KCNA3: variants seen among roughly 807,000 people sequenced by gnomAD.
The protein encoded by KCNA3 is RP11-284N8.3.
A neutral mutation model predicts 34.3 loss-of-function variants in KCNA3; 18 were observed. The ratio of observed to expected loss-of-function variants is 0.52; its 90% CI spans 0.36 to 0.78. KCNA3 has a LOEUF of 0.78. Among genes scored for constraint, KCNA3 ranks in the 30% least tolerant of loss-of-function variants. KCNA3 has a pLI of 0.00. For synonymous variants in KCNA3, 324 were observed against 351.7 expected (o/e 0.92, Z 0.88); for missense variants, 587 against 802.5 (o/e 0.73, Z 3.24).
chr1:110,661,830 G>A, the KCNA3 span, among the ~76,000 whole-genome samples: 1,794 of 152,114 alleles, frequency 0.012, 31 homozygotes, highest in African/African-American at 0.041. Flanking sequence ...AATGTCAGCC[G>A]GGCGCGGTGG....
the KCNA3 span, among the ~76,000 whole-genome samples, chr1:110,660,476 A>C: frequency 6.6e-6 from 1 of 152,072 alleles, no homozygotes; most frequent in Non-Finnish European, 1.5e-5. Context: ...CTTGAAGTGA[A>C]TAAAAATCCA....
At chr1:110,665,134 C>A in the KCNA3 span, among the ~76,000 whole-genome samples, 1 of 152,100 alleles carries the variant, frequency 6.6e-6, no homozygotes, top group Non-Finnish European at 1.5e-5. Flanking sequence ...AAATGGGGTG[C>A]CAAATGGTGG....
chr1:110,665,324 T>A, the KCNA3 span, among the ~76,000 whole-genome samples: 1 of 152,140 alleles, frequency 6.6e-6, no homozygotes, highest in African/African-American at 2.4e-5. Flanking sequence ...AGAAGTGGTA[T>A]GAAGTGGTAA....
the KCNA3 span, chr1:110,654,496 A>G: frequency 2.0e-5 from 3 of 152,150 alleles, no homozygotes; most frequent in Non-Finnish European, 4.4e-5. Context: ...TGGATTTTTA[A>G]AAAGGGAGAT....
chr1:110,665,139 T>C, the KCNA3 span, among the ~76,000 whole-genome samples: 2 of 152,212 alleles, frequency 1.3e-5, no homozygotes, highest in Non-Finnish European at 1.5e-5. Flanking sequence ...GGGTGCCAAA[T>C]GGTGGTCTTG....
chr1:110,674,715 G>A lies in KCNA3; in HGVS notation c.95C>T (p.Ala32Val), dbSNP rs751713536. ...PPQRPASSGG[A>V]HTLVNHGYAE... ...GTAGCCGTGGTTCACCAGCGTGTGG[G>A]CACCGCCGCTGCTCGCTGGGCGCTG... The change falls in exon 1 of 1, where the codon GCC becomes GTC. Residue 32 changes from alanine (A) to valine (V), a missense_variant. Ala to Val is a moderately conservative substitution (Grantham distance 64, BLOSUM62 0). Transcript: ENST00000369769. This position sits in a 1 kb window ranked among gnomAD's most constrained non-coding sequence, Gnocchi z 6.4. 2.0e-6 allele frequency: 3 copies of A among 1,467,358 alleles called. No homozygotes were observed. The South Asian group carries it at 4.2e-5, about 20-fold the overall frequency. The allele number at this position is 1,467,358 out of a possible 1,614,324, so 90.9% of individuals were successfully genotyped here. A position where few individuals can be genotyped will look rare whatever the true frequency, so the allele number is the denominator to read the frequency against.
At chr1:110,658,680 A>G in the KCNA3 span, among the ~76,000 whole-genome samples, 2 of 152,134 alleles carry the variant, frequency 1.3e-5, no homozygotes, top group South Asian at 2.1e-4. Flanking sequence ...ACTTTTACAT[A>G]TATAATTTTG....
At chr1:110,669,245 T>C (rs1651797429), downstream of KCNA3, among the ~76,000 whole-genome samples, 1 of 152,168 alleles carries the variant, frequency 6.6e-6, no homozygotes, top group Admixed American at 6.5e-5. Context: ...GAAAACTAAT[T>C]TGCATAATGC....
rs1372588693 is a variant in KCNA3, at chr1:110,673,606, T to G, written c.1204A>C (p.Ile402Leu). 1 of 1,614,170 alleles carries G rather than the reference T, an allele frequency of 6.2e-7. No homozygotes were observed. The highest frequency in any genetic ancestry group is 1.7e-5 in the Admixed American group (1 of 60,026). Residue 402 changes from isoleucine (I) to leucine (L), a missense_variant, in exon 1 of 1, where the codon ATC (isoleucine) becomes CTC (leucine). Physicochemically the swap from Ile to Leu is conservative, Grantham distance 5 (BLOSUM62 2). This residue lies in a region of KCNA3 where 84 missense variants were observed against 223.1 expected (regional missense o/e 0.38). Coordinates refer to ENST00000369769, the MANE Select transcript of KCNA3 (RefSeq NM_002232.5). This position sits in a 1 kb window ranked among gnomAD's most constrained non-coding sequence, Gnocchi z 8.8. ...KASMRELGLL[I>L]FFLFIGVILF... ...ATGACCCCAATAAAGAGGAAGAAGA[T>G]GAGCAATCCCAGCTCCCGCATGGAC...
rs747145696 is a variant in KCNA3 at position 110,673,207 on chromosome 1, C to T, written c.1603G>A (p.Gly535Arg). 24 of 1,614,004 alleles carry T rather than the reference C, an allele frequency of 1.5e-5. No individual in the cohort carries two copies. The highest frequency in any genetic ancestry group is 1.3e-4 in the African/African-American group (10 of 74,886). ...SKSEYMVIEE[G>R]GMNHSAFPQT... ...GGGAAAGCGCTATGGTTCATACCCC[C>T]CTCTTCGATCACCATATACTCCGAC... Residue 535 changes from glycine to arginine, a missense_variant, in exon 1 of 1, where the codon GGG (glycine) becomes AGG (arginine). Physicochemically the swap from Gly to Arg is moderately radical, Grantham distance 125. This residue lies in a region of KCNA3 where 95 missense variants were observed against 107.3 expected (regional missense o/e 0.89). Transcript: ENST00000369769. The surrounding 1 kb of genome is among the most constrained non-coding windows in gnomAD (Gnocchi z 8.8).
Position 110,673,273 on chromosome 1 carries a change from C to T in KCNA3, c.1537G>A (p.Glu513Lys), listed in dbSNP as rs755732546. 2.5e-6 allele frequency: 4 copies of T among 1,613,966 alleles called. No homozygotes were observed. The highest frequency in any genetic ancestry group is 4.5e-5 in the East Asian group (2 of 44,874). ...TTACTCCTTGCTTTTCGGAGCTCCT[C>T]GGCTGAAGAGGAGAGGTGCTGGCAA... is the stretch of plus-strand genomic sequence containing the variant. ...GSCQHLSSSA[E>K]ELRKARSNST... Residue 513 changes from glutamate to lysine, a missense_variant, in exon 1 of 1, where the codon GAG (glutamate) becomes AAG (lysine). Physicochemically the swap from Glu to Lys is moderately conservative, Grantham distance 56. Around this residue, in one of 7 missense-constraint regions of KCNA3, gnomAD observed 95 missense variants for 107.3 expected, o/e 0.89. Coordinates refer to ENST00000369769, the MANE Select transcript of KCNA3 (RefSeq NM_002232.5). The surrounding 1 kb of genome is among the most constrained non-coding windows in gnomAD (Gnocchi z 8.8).
In KCNA3 at chr1:110,673,700, C is replaced by A; in HGVS notation, c.1110G>T (p.Arg370Ser). 1 of 1,614,156 alleles carries A rather than the reference C, an allele frequency of 6.2e-7. No homozygotes were observed. Among genetic ancestry groups the A allele is most frequent in the Non-Finnish European group, 8.5e-7 (1 of 1,180,050 alleles). ...GCGACAGCTTGAAGATGCGGAAGAC[C>A]CTTACCAGGCGGATGACCCTCAGGA... ...LAILRVIRLVRVFRIFKLSRH... is the reference protein window; with the variant it reads ...LAILRVIRLVSVFRIFKLSRH... Residue 370 changes from arginine to serine, a missense_variant, in exon 1 of 1, where the codon AGG becomes AGT. Arg to Ser is a moderately radical substitution (Grantham distance 110). Coordinates refer to ENST00000369769, the MANE Select transcript of KCNA3 (RefSeq NM_002232.5). This position sits in a 1 kb window ranked among gnomAD's most constrained non-coding sequence, Gnocchi z 8.8.
At chr1:110,671,808 T>A (rs1185955046), downstream of KCNA3, among the ~76,000 whole-genome samples, 2 of 152,190 alleles carry the variant, frequency 1.3e-5, no homozygotes, top group Non-Finnish European at 2.9e-5. Flanking sequence ...GGCTTGAAAG[T>A]TCTTGGAGAA....
Position 110,673,981 on chromosome 1 carries a change from C to T in KCNA3, c.829G>A (p.Ala277Thr). The change falls in exon 1 of 1, where the codon GCC (alanine) becomes ACC (threonine). Residue 277 changes from alanine to threonine, a missense_variant. Coordinates refer to ENST00000369769, the MANE Select transcript of KCNA3 (RefSeq NM_002232.5). The surrounding 1 kb of genome is among the most constrained non-coding windows in gnomAD (Gnocchi z 8.8). ...ASTSQDSFEA[A>T]GNSTSGSRAG... ...CGGGACCCCGACGTGCTGTTGCCGG[C>T]TGCTTCGAATGAGTCCTGCGACGTC... 6.2e-7 allele frequency: 1 copy of T among 1,613,836 alleles called. No individual in the cohort carries two copies. Among genetic ancestry groups the T allele is most frequent in the Non-Finnish European group, 8.5e-7 (1 of 1,179,966 alleles).
rs753013925 is a variant in KCNA3 at position 110,673,286 on chromosome 1, G to C, written c.1524C>G (p.Leu508=). Residue 508 remains leucine, a synonymous_variant, in exon 1 of 1, where the codon CTC becomes CTG. Transcript: ENST00000369769. The surrounding 1 kb of genome is among the most constrained non-coding windows in gnomAD (Gnocchi z 8.8). ...TTCGGAGCTCCTCGGCTGAAGAGGA[G>C]AGGTGCTGGCAACTTCCCACGTGCA... ...QYMHVGSCQH[L]SSSAEELRKA... 11 of 1,613,908 alleles carry C rather than the reference G, an allele frequency of 6.8e-6. No homozygotes were observed. Among genetic ancestry groups the C allele is most frequent in the Non-Finnish European group, 8.5e-6 (10 of 1,180,018 alleles).
In KCNA3 at chr1:110,672,984, T is replaced by C; in HGVS notation, c.*98A>G. On this transcript the variant is annotated 3_prime_UTR_variant, in exon 1 of 1. Coordinates refer to ENST00000369769, the MANE Select transcript of KCNA3 (RefSeq NM_002232.5). ...TTTCCACTTCTTCAGGTCCTTTCCTTGATGAATGGTCTGGAAATGTATAAA... is the reference window on the plus strand; with the variant it reads ...TTTCCACTTCTTCAGGTCCTTTCCTCGATGAATGGTCTGGAAATGTATAAA... 2 of 1,203,674 alleles carry C rather than the reference T, an allele frequency of 1.7e-6. No individual in the cohort carries two copies. Among genetic ancestry groups the C allele is most frequent in the Non-Finnish European group, 2.3e-6 (2 of 853,144 alleles). 74.6% of individuals were successfully genotyped at this position (1,203,674 alleles called of 1,614,324 possible). A position where few individuals can be genotyped will look rare whatever the true frequency, so the allele number is the denominator to read the frequency against.
At chr1:110,658,508 G>A in the KCNA3 span, among the ~76,000 whole-genome samples, 1 of 152,142 alleles carries the variant, frequency 6.6e-6, no homozygotes, top group East Asian at 1.9e-4. Context: ...CCATTCTGCT[G>A]AAATGTCACA....
chr1:110,661,372 C>T, the KCNA3 span, among the ~76,000 whole-genome samples: 1 of 152,312 alleles, frequency 6.6e-6, no homozygotes, highest in Admixed American at 6.5e-5. Flanking sequence ...CAGATCACTG[C>T]TCATCAGTGA....
downstream of KCNA3, among the ~76,000 whole-genome samples, chr1:110,668,795 C>T (rs963153688): frequency 2.0e-5 from 3 of 152,152 alleles, no homozygotes; most frequent in African/African-American, 7.2e-5. Context: ...GTCACACCTC[C>T]TCACATGAAT....
Sources: allele counts gnomAD v4.1 joint callset (sites outside exome capture counted in the v4.1 genomes callset), GRCh38; gene constraint gnomAD v4.1.1; regional missense constraint gnomAD v4.1.1; non-coding constraint Gnocchi (gnomAD v3.1); transcripts MANE v1.5; gene names NCBI Gene and HGNC (gene_info 2026-07-23, HGNC 2026-07-21).